Variants in STARD10 observed in about 807,000 individuals in gnomAD.
The protein encoded by STARD10 is START domain-containing protein 10.
STARD10 carries 24 observed loss-of-function variants against 36.0 expected under a neutral mutation model. That is an observed-to-expected ratio of 0.67 (90% CI 0.48 to 0.94). The LOEUF (loss-of-function observed/expected upper bound fraction) is 0.94, where lower values mean the gene tolerates loss of function less well. STARD10 is among the 40% of genes least tolerant of loss of function. The probability of loss-of-function intolerance (pLI) is 0.00; values close to 1 mark genes in which losing one functional copy is unlikely to be tolerated. For missense variants in STARD10, 335 were observed against 396.6 expected, an observed-to-expected ratio of 0.84 and a Z score of 1.32; for synonymous variants, 156 against 161.9, an observed-to-expected ratio of 0.96 and a Z score of 0.28.
chr11:72,775,835 T>C (rs1462335625), intron 2 of STARD10, among the ~76,000 whole-genome samples: 1 of 152,096 alleles, frequency 6.6e-6, no homozygotes, highest in Admixed American at 6.5e-5. Flanking sequence ...GCAGGGCAGA[T>C]AAGGAAGCTG....
chr11:72,790,938 A>G (rs1039449527), intron 1 of STARD10, among the ~76,000 whole-genome samples: 11 of 152,174 alleles, frequency 7.2e-5, no homozygotes, highest in African/African-American at 2.7e-4. Flanking sequence ...CTGCCCCTGC[A>G]TTGACTTTTG....
At chr11:72,789,643 G>A (rs959767075) in intron 1 of STARD10, among the ~76,000 whole-genome samples, 1 of 152,234 alleles carries the variant, frequency 6.6e-6, no homozygotes, top group Non-Finnish European at 1.5e-5. Context: ...CCACATTCCA[G>A]GGGCTGGCTC....
At chr11:72,774,807 G>A (rs1419982610) in intron 2 of STARD10, among the ~76,000 whole-genome samples, 1 of 152,230 alleles carries the variant, frequency 6.6e-6, no homozygotes, top group Non-Finnish European at 1.5e-5. Flanking sequence ...CTGGGGTCAC[G>A]GCATCCACAG....
intron 4 of STARD10, among the ~76,000 whole-genome samples, chr11:72,758,117 G>C (rs1046598644): frequency 2.0e-5 from 3 of 152,180 alleles, no homozygotes; most frequent in African/African-American, 7.2e-5. Context: ...CCAGTCTGGG[G>C]TCAGGGCTCA....
chr11:72,772,887 C>T (rs1341338394), intron 2 of STARD10, among the ~76,000 whole-genome samples: 1 of 152,172 alleles, frequency 6.6e-6, no homozygotes, highest in Non-Finnish European at 1.5e-5. Context: ...AGCCCCTGTA[C>T]CGTCCCCCAA....
chr11:72,788,175 TG>T (rs1197173978), intron 1 of STARD10, among the ~76,000 whole-genome samples: 3 of 152,208 alleles, frequency 2.0e-5, no homozygotes, highest in Non-Finnish European at 1.5e-5. Flanking sequence ...GACCATACGC[TG>T]GGACATTTGG....
chr11:72,754,733 G>A lies in STARD10; in HGVS notation c.*164C>T. The A allele has an allele frequency of 9.2e-7, 1 of 1,088,182 alleles. No individual in the cohort carries two copies. The highest frequency in any genetic ancestry group is 1.3e-6 in the Non-Finnish European group (1 of 745,528). The allele number at this position is 1,088,182 out of a possible 1,614,324, so 67.4% of individuals were successfully genotyped here. A position where few individuals can be genotyped will look rare whatever the true frequency, so the allele number is the denominator to read the frequency against. ...CAGGCACAGTGATGAGCCGGCTGAG[G>A]CTGTGGGATCGTTTATTGGGGCTCT... On this transcript the variant is annotated 3_prime_UTR_variant, in exon 7 of 7. Transcript: ENST00000334805.
intron 2 of STARD10, 99 bp from the exon 3 acceptor site, chr11:72,759,480 G>A (rs1858689169): frequency 2.1e-6 from 3 of 1,432,384 alleles, no homozygotes; most frequent in African/African-American, 1.4e-5. Context: ...AAGAGAAAGA[G>A]GACAGCAAAG....
chr11:72,758,439 C>A lies in STARD10; in HGVS notation c.459+91G>T, dbSNP rs956602369. 10 of 1,019,412 alleles carry A rather than the reference C, an allele frequency of 9.8e-6. No homozygotes were observed. The Admixed American group carries it at 1.9e-4, about 19-fold the overall frequency. The allele number at this position is 1,019,412 out of a possible 1,614,324, so 63.1% of individuals were successfully genotyped here. ...GAGGGCCAGTGGGCCCATGCCTGCC[C>A]GAAGTCATATTGAAGTCATGGTGGC... is the stretch of plus-strand genomic sequence containing the variant. On this transcript the variant is annotated intron_variant, in intron 4 of 6. Transcript: ENST00000334805.
chr11:72,756,246 C>A (rs1858642476), intron 5 of STARD10, among the ~76,000 whole-genome samples: 1 of 152,198 alleles, frequency 6.6e-6, no homozygotes, highest in Non-Finnish European at 1.5e-5. Context: ...CTATCTCATT[C>A]CCAAGTGTCC....
At position 72,754,885 on chromosome 11, in the gene STARD10, G is replaced by C. The variant is rs775093040; in HGVS notation, c.*12C>G. The stretch of plus-strand genomic sequence containing the variant: ...GCCCGGTCCTGTCTCCGTCCCTGAA[G>C]CGGTGCGGCGCTCAGGTGAGCGAGG... On this transcript the variant is annotated 3_prime_UTR_variant, in exon 7 of 7. Coordinates refer to ENST00000334805, the MANE Select transcript of STARD10 (RefSeq NM_006645.3). The C allele has an allele frequency of 1.3e-6, 2 of 1,593,400 alleles. No individual in the cohort carries two copies. Among genetic ancestry groups the C allele is most frequent in the Admixed American group, 1.7e-5 (1 of 59,658 alleles).
At chr11:72,766,439 G>A (rs1249812335) in intron 2 of STARD10, among the ~76,000 whole-genome samples, 1 of 152,210 alleles carries the variant, frequency 6.6e-6, no homozygotes, top group African/African-American at 2.4e-5. Context: ...AGAGGCGAAT[G>A]CACATGAACT....
chr11:72,768,615 C>T (rs907899888), intron 2 of STARD10, among the ~76,000 whole-genome samples: 2 of 152,256 alleles, frequency 1.3e-5, no homozygotes, highest in African/African-American at 4.8e-5. Flanking sequence ...CACTAGCTCC[C>T]TTCCTATTAT....
chr11:72,759,364 A>C lies in STARD10; in HGVS notation c.225T>G (p.Cys75Trp). Residue 75 changes from cysteine (C) to tryptophan (W), a missense_variant, in exon 3 of 7, where the codon TGT becomes TGG. Physicochemically the swap from Cys to Trp is radical, Grantham distance 215. Coordinates refer to ENST00000334805, the MANE Select transcript of STARD10 (RefSeq NM_006645.3). ...CGTAGAGTGTCTCGGCTGGCACATCACAGCACTCCATCCGGCACTGCAGAC... is the reference window on the plus strand; with the variant it reads ...CGTAGAGTGTCTCGGCTGGCACATCCCAGCACTCCATCCGGCACTGCAGAC... Reference protein sequence around the residue: ...LHKIKCRMECCDVPAETLYDV... With the variant: ...LHKIKCRMECWDVPAETLYDV... 6.2e-7 allele frequency: 1 copy of C among 1,613,706 alleles called. No individual in the cohort carries two copies. The highest frequency in any genetic ancestry group is 8.5e-7 in the Non-Finnish European group (1 of 1,179,900).
intron 2 of STARD10, among the ~76,000 whole-genome samples, chr11:72,766,545 C>T (rs1858793284): frequency 6.6e-6 from 1 of 152,208 alleles, no homozygotes. Context: ...GGTGCAAAGG[C>T]CTGGAGGCTT....
At position 72,759,362 on chromosome 11, in the gene STARD10, T is replaced by G. The variant is rs1858687761; in HGVS notation, c.227A>C (p.Asp76Ala). Residue 76 changes from aspartate to alanine, a missense_variant, in exon 3 of 7, where the codon GAT becomes GCT. By Grantham distance (126) the Asp-to-Ala change is moderately radical. Coordinates refer to ENST00000334805, the MANE Select transcript of STARD10 (RefSeq NM_006645.3). ...HKIKCRMECC[D>A]VPAETLYDVL... ...GTCGTAGAGTGTCTCGGCTGGCACA[T>G]CACAGCACTCCATCCGGCACTGCAG... is the stretch of plus-strand genomic sequence containing the variant. 6.2e-7 allele frequency: 1 copy of G among 1,614,074 alleles called. No homozygotes were observed. Among genetic ancestry groups the G allele is most frequent in the African/African-American group, 1.3e-5 (1 of 75,000 alleles).
In STARD10 at chr11:72,755,027, A is replaced by G; in HGVS notation, c.746T>C (p.Leu249Pro). The G allele has an allele frequency of 5.6e-6, 9 of 1,613,296 alleles. No homozygotes were observed. Among genetic ancestry groups the G allele is most frequent in the Non-Finnish European group, 7.6e-6 (9 of 1,179,760 alleles). The change falls in exon 7 of 7, where the codon CTG becomes CCG. Residue 249 changes from leucine to proline, a missense_variant. Physicochemically the swap from Leu to Pro is moderately conservative, Grantham distance 98 (BLOSUM62 -3). Transcript: ENST00000334805. The stretch of plus-strand genomic sequence containing the variant: ...CGCATGCTGCACCGACAGCTCCGAC[A>G]GCGCCAGGCTCGGCAACGGGCTCTG... The part of the protein sequence containing the change: ...PEQSPLPSLA[L>P]SELSVQHADS...
At chr11:72,778,157 T>A (rs1222805193) in intron 2 of STARD10, among the ~76,000 whole-genome samples, 4 of 152,134 alleles carry the variant, frequency 2.6e-5, no homozygotes, top group Non-Finnish European at 5.9e-5. Flanking sequence ...GAGTTATTGA[T>A]GGGGTTAAAG....
At chr11:72,773,371 G>C (rs546073638) in intron 2 of STARD10, among the ~76,000 whole-genome samples, 1 of 152,336 alleles carries the variant, frequency 6.6e-6, no homozygotes, top group African/African-American at 2.4e-5. Flanking sequence ...AGGACAGGGG[G>C]CTTCAGAAGG....
Sources: allele counts gnomAD v4.1 joint callset (sites outside exome capture counted in the v4.1 genomes callset), GRCh38; gene constraint gnomAD v4.1.1; transcripts MANE v1.5; gene names NCBI Gene and HGNC (gene_info 2026-07-23, HGNC 2026-07-21).